The following ZFHX3 variants were observed in gnomAD, a reference collection of about 807,000 sequenced individuals.
The protein encoded by ZFHX3 is zinc finger homeobox 3.
In ZFHX3, 42 loss-of-function variants were observed where a neutral mutation model predicts 279.1. That is an observed-to-expected ratio of 0.15 (90% confidence interval 0.12 to 0.19). The LOEUF is 0.19. ZFHX3 is among the 10% of genes least tolerant of loss of function. ZFHX3 has a pLI of 1.00. For synonymous variants in ZFHX3, 2,293 were observed against 1,957.8 expected (o/e 1.17, Z -4.52); for missense variants, 4,981 against 4,754.0 (o/e 1.05, Z -1.40).
At chr16:73,502,322 G>T (rs825851) in intron 2 of ZFHX3, among the ~76,000 whole-genome samples, 35,892 of 152,094 alleles carry the variant, frequency 0.24, 4,920 homozygotes, top group East Asian at 0.58. Flanking sequence ...AAAGGTATTG[G>T]TTAAGAAACT....
chr16:73,160,346 G>A (rs1967199972), intron 5 of ZFHX3, among the ~76,000 whole-genome samples: 1 of 152,196 alleles, frequency 6.6e-6, no homozygotes, highest in Admixed American at 6.5e-5. Flanking sequence ...AGGACCTTAT[G>A]AGTCTTCCTG....
At chr16:72,936,516 C>T (rs6499599) in intron 3 of ZFHX3, among the ~76,000 whole-genome samples, 84 of 152,204 alleles carry the variant, frequency 5.5e-4, no homozygotes, top group Non-Finnish European at 9.8e-4. Context: ...GCCTCTTTGA[C>T]GACCAGATAT....
chr16:73,485,982 A>G (rs1427797614), intron 2 of ZFHX3, among the ~76,000 whole-genome samples: 1 of 152,196 alleles, frequency 6.6e-6, no homozygotes, highest in Non-Finnish European at 1.5e-5. Flanking sequence ...TCTCTTGTTC[A>G]TCAATGTGTC....
intron 1 of ZFHX3, among the ~76,000 whole-genome samples, chr16:73,034,797 C>T (rs1434276556): frequency 2.0e-5 from 3 of 152,220 alleles, no homozygotes; most frequent in Non-Finnish European, 4.4e-5. Flanking sequence ...AGCACCCCCA[C>T]CTGTACGCCA....
Position 73,392,418 on chromosome 16 carries a change from CAAA to C in ZFHX3, c.-1291+63582_-1291+63584del, listed in dbSNP as rs35019692. 9.3e-3 allele frequency among the ~76,000 whole-genome samples: 331 copies of C among 35,740 alleles called. 1 individual carries two copies. The highest frequency in any genetic ancestry group is 0.036 in the African/African-American group (303 of 8,436). 23.4% of individuals were successfully genotyped at this position (35,740 alleles called of 152,430 possible). ...TGGGTGACAGAATGAGACCCTGTCT[CAAA>C]AAAAAAAAAAAAAAAAAAAAAAGAG... On this transcript the variant is annotated intron_variant, in intron 3 of 17. Coordinates refer to the ZFHX3 transcript ENST00000641206.
chr16:73,836,744 G>A (rs1044171437), intron 1 of ZFHX3, among the ~76,000 whole-genome samples: 5 of 152,224 alleles, frequency 3.3e-5, no homozygotes, highest in Non-Finnish European at 5.9e-5. Context: ...AACTCACGAT[G>A]AAACTTAATT....
chr16:73,331,247 C>G (rs1454322631), intron 3 of ZFHX3, among the ~76,000 whole-genome samples: 4 of 152,138 alleles, frequency 2.6e-5, no homozygotes, highest in African/African-American at 9.7e-5. Flanking sequence ...ATGGAGGAAC[C>G]GCCCCCATAA....
chr16:72,866,062 C>G (rs75108543), intron 4 of ZFHX3, among the ~76,000 whole-genome samples: 21 of 152,058 alleles, frequency 1.4e-4, no homozygotes, highest in African/African-American at 4.6e-4. Flanking sequence ...GTGAGATGCC[C>G]AAATTGGAAG....
chr16:72,907,186 C>T (rs1371964124), intron 3 of ZFHX3, among the ~76,000 whole-genome samples: 3 of 152,112 alleles, frequency 2.0e-5, no homozygotes, highest in Non-Finnish European at 4.4e-5. Context: ...AGTCTTAAAA[C>T]ACAAATCTTT....
intron 4 of ZFHX3, among the ~76,000 whole-genome samples, chr16:72,879,801 G>T (rs2038413853): frequency 6.6e-6 from 1 of 152,208 alleles, no homozygotes; most frequent in Non-Finnish European, 1.5e-5. Context: ...TTCAGCAAAG[G>T]CAGCTTTTCT....
intron 2 of ZFHX3, among the ~76,000 whole-genome samples, chr16:73,557,346 C>T (rs911160147): frequency 3.3e-5 from 5 of 152,004 alleles, no homozygotes; most frequent in African/African-American, 7.2e-5. Flanking sequence ...GAAACTAGTC[C>T]GGACCCAGAC....
rs77279481 is a variant in ZFHX3, at chr16:73,732,341, C to T, written c.-1607-52101G>A. On this transcript the variant is annotated intron_variant, in intron 1 of 17. Coordinates refer to the ZFHX3 transcript ENST00000641206. The stretch of plus-strand genomic sequence containing the variant: ...ATCCATGGAATTATCTGCTGGCCAA[C>T]AGAGAAGGATCAGAGTTCAGCAAAT... 4.6e-5 allele frequency among the ~76,000 whole-genome samples: 7 copies of T among 152,192 alleles called. No homozygotes were observed. The East Asian group carries it at 5.8e-4, about 13-fold the overall frequency.
At chr16:72,809,722 T>G (rs1393615049) in intron 7 of ZFHX3, 2 of 152,194 alleles carry the variant, frequency 1.3e-5, no homozygotes, top group Non-Finnish European at 2.9e-5. Context: ...GTCTGTGACC[T>G]GCACATTATA....
chr16:73,474,806 G>T (rs1367489357), intron 2 of ZFHX3, among the ~76,000 whole-genome samples: 2 of 152,210 alleles, frequency 1.3e-5, no homozygotes, highest in African/African-American at 4.8e-5. Flanking sequence ...CTCAACAAAT[G>T]CTTCGTGGTT....
chr16:73,052,303 C>T (rs546277764), upstream of ZFHX3, among the ~76,000 whole-genome samples: 6 of 150,432 alleles, frequency 4.0e-5, no homozygotes, highest in Admixed American at 2.0e-4. Context: ...CCATTAAATG[C>T]TATATCGAAA....
At chr16:73,781,360 C>G (rs967054951) in intron 1 of ZFHX3, among the ~76,000 whole-genome samples, 1 of 152,194 alleles carries the variant, frequency 6.6e-6, no homozygotes, top group South Asian at 2.1e-4. Flanking sequence ...GTGTTTTTAA[C>G]AAGTTCCCAG....
At chr16:72,920,235 A>G (rs2039549805) in intron 3 of ZFHX3, among the ~76,000 whole-genome samples, 1 of 152,196 alleles carries the variant, frequency 6.6e-6, no homozygotes. Flanking sequence ...TCTCATACAT[A>G]TCAACACCCA....
intron 3 of ZFHX3, among the ~76,000 whole-genome samples, chr16:72,941,105 G>A (rs960511020): frequency 1.3e-5 from 2 of 152,220 alleles, no homozygotes; most frequent in Non-Finnish European, 2.9e-5. Context: ...AGTTGCTGGT[G>A]ACCGAACCAG....
intron 2 of ZFHX3, among the ~76,000 whole-genome samples, chr16:73,483,918 C>A (rs141836445): frequency 4.9e-5 from 7 of 142,902 alleles, no homozygotes; most frequent in Admixed American, 7.1e-5. Context: ...CTGTTCCCCA[C>A]CCTCTGCCTT....
Sources: gnomAD v4.1 joint callset for allele counts (sites outside exome capture counted in the v4.1 genomes callset) on GRCh38, gnomAD v4.1.1 for gene constraint, MANE v1.5 for transcripts, NCBI Gene and HGNC (gene_info 2026-07-23, HGNC 2026-07-21) for gene names.